Variants in BCR observed in about 807,000 individuals in gnomAD.
BCR encodes the protein BCR activator of RhoGEF and GTPase.
Under a neutral mutation model 138.6 loss-of-function variants are expected in BCR, and 58 were observed. The ratio of observed to expected loss-of-function variants is 0.42; its 90% confidence interval spans 0.34 to 0.52. The LOEUF is 0.52. BCR is among the 20% of genes least tolerant of loss of function. The pLI is 0.06. For synonymous variants in BCR, 786 were observed against 730.1 expected (o/e 1.08, Z -1.23); for missense variants, 1,599 against 1,727.2 (o/e 0.93, Z 1.32).
At chr22:23,236,642 G>A (rs1023983255) in intron 1 of BCR, among the ~76,000 whole-genome samples, 3 of 152,250 alleles carry the variant, frequency 2.0e-5, no homozygotes, top group Non-Finnish European at 2.9e-5. Flanking sequence ...CATGAGGACC[G>A]AGAGGGGACC....
At position 23,309,517 on chromosome 22, in the gene BCR, T is replaced by A. The variant is rs374263758; in HGVS notation, c.3072+34T>A. Reference sequence around the variant, plus strand: ...CCGTGGGACTCTCCTGGTGCCCACTTCCCCCAGAAGGATAGGGTGGCCTCT... The same window carrying A: ...CCGTGGGACTCTCCTGGTGCCCACTACCCCCAGAAGGATAGGGTGGCCTCT... On this transcript the variant is annotated intron_variant, in intron 17 of 22. Coordinates refer to ENST00000305877, the MANE Select transcript of BCR (RefSeq NM_004327.4). 7 of 1,561,526 alleles carry A rather than the reference T, an allele frequency of 4.5e-6. No homozygotes were observed. The African/African-American group carries it at 9.5e-5, about 21-fold the overall frequency.
chr22:23,301,477 C>T (rs1327443364), intron 16 of BCR, among the ~76,000 whole-genome samples: 1 of 152,212 alleles, frequency 6.6e-6, no homozygotes, highest in African/African-American at 2.4e-5. Context: ...CAGACTAGCC[C>T]TCCAGCAATG....
At position 23,262,682 on chromosome 22, in the gene BCR, C is replaced by T. The variant is rs1008950926; in HGVS notation, c.1752+1142C>T. 544 of 679,288 alleles carry T rather than the reference C, an allele frequency of 8.0e-4. 1 individual carries two copies. Among genetic ancestry groups the T allele is most frequent in the Non-Finnish European group, 9.3e-4 (512 of 550,466 alleles). The allele number at this position is 679,288 out of a possible 1,614,324, so 42.1% of individuals were successfully genotyped here. A position where few individuals can be genotyped will look rare whatever the true frequency, so the allele number is the denominator to read the frequency against. On this transcript the variant is annotated intron_variant, in intron 4 of 22. Coordinates refer to ENST00000305877, the MANE Select transcript of BCR (RefSeq NM_004327.4). ...CAGCCAGGGCCGCTGGGTGTGGGGCCGCCGGGAATGGCGGGCCCGGGTGAG... is the reference window on the plus strand; with the variant it reads ...CAGCCAGGGCCGCTGGGTGTGGGGCTGCCGGGAATGGCGGGCCCGGGTGAG...
rs1448532414 is a variant in BCR, at chr22:23,181,384, C to G, written c.424C>G (p.Arg142Gly). The G allele has an allele frequency of 6.5e-7, 1 of 1,539,096 alleles. No individual in the cohort carries two copies. The highest frequency in any genetic ancestry group is 2.0e-5 in the Admixed American group (1 of 50,686). Residue 142 changes from arginine (R) to glycine (G), a missense_variant, in exon 1 of 23, where the codon CGG becomes GGG. Coordinates refer to ENST00000305877, the MANE Select transcript of BCR (RefSeq NM_004327.4). ...RRPGAAASGE[R>G]DDRGPPASVA... ...GCCCGGGGCAGCCGCGTCGGGGGAA[C>G]GGGACGACCGGGGACCCCCCGCCAG...
At chr22:23,228,369 A>G (rs992802470) in intron 1 of BCR, among the ~76,000 whole-genome samples, 1 of 152,200 alleles carries the variant, frequency 6.6e-6, no homozygotes, top group East Asian at 1.9e-4. Flanking sequence ...AGTGTTTAAT[A>G]GTAATGTTTC....
At chr22:23,280,469 T>G (rs1399086929) in intron 8 of BCR, among the ~76,000 whole-genome samples, 3 of 152,256 alleles carry the variant, frequency 2.0e-5, no homozygotes, top group Non-Finnish European at 4.4e-5. Flanking sequence ...CATGGGAAGC[T>G]GTGACTGTCA....
chr22:23,200,108 C>A (rs1602006858), intron 1 of BCR, among the ~76,000 whole-genome samples: 1 of 150,782 alleles, frequency 6.6e-6, no homozygotes, highest in African/African-American at 2.5e-5. Flanking sequence ...AAAAGCAAGA[C>A]AAGGCATATG....
At chr22:23,284,370 C>T (rs1433465702) in intron 9 of BCR, among the ~76,000 whole-genome samples, 1 of 152,002 alleles carries the variant, frequency 6.6e-6, no homozygotes, top group Non-Finnish European at 1.5e-5. Context: ...AGGACCCATC[C>T]GGGAAGCGTG....
intron 10 of BCR, among the ~76,000 whole-genome samples, chr22:23,286,167 C>G (rs140505): frequency 1 from 152,379 of 152,380 alleles, 76,189 homozygotes; most frequent in Non-Finnish European, 1. Context: ...CCTGATGGGG[C>G]CCAGGCCCAG....
rs190200718 is a variant in BCR at position 23,313,560 on chromosome 22, G to A, written c.3458-408G>A. Among the ~76,000 whole-genome samples the A allele has an allele frequency of 7.1e-4, 108 of 152,322 alleles. 1 individual carries two copies. The East Asian group carries it at 0.02, about 28-fold the overall frequency. ...TCCAGGACGACGAGGGGGTCTCTGC[G>A]TACTTGGTGGGGCTGGGACCCTCCC... On this transcript the variant is annotated intron_variant, in intron 20 of 22. Transcript: ENST00000305877.
At chr22:23,271,274 C>T (rs1012853578) in intron 5 of BCR, among the ~76,000 whole-genome samples, 13 of 152,236 alleles carry the variant, frequency 8.5e-5, no homozygotes, top group African/African-American at 3.1e-4. Context: ...GACAGCTGCT[C>T]AGAGAATCTG....
At chr22:23,244,344 C>T (rs577299688) in intron 1 of BCR, among the ~76,000 whole-genome samples, 2 of 152,300 alleles carry the variant, frequency 1.3e-5, no homozygotes, top group South Asian at 4.1e-4. Flanking sequence ...GTCGCATTCG[C>T]AGATTCTAGG....
intron 16 of BCR, among the ~76,000 whole-genome samples, chr22:23,308,590 C>A (rs1279317963): frequency 3.4e-4 from 52 of 152,242 alleles, no homozygotes; most frequent in Admixed American, 3.4e-3. Flanking sequence ...CAGGCGTGAG[C>A]CACCGCACCT....
At chr22:23,279,368 C>T (rs1356548435) in intron 8 of BCR, among the ~76,000 whole-genome samples, 27 of 152,230 alleles carry the variant, frequency 1.8e-4, no homozygotes, top group Non-Finnish European at 1.6e-4. Flanking sequence ...CCCTTGACCT[C>T]ATTCTCGGCT....
chr22:23,182,186 A>G lies in BCR; in HGVS notation c.1226A>G (p.Lys409Arg), dbSNP rs765163453. The change falls in exon 1 of 23, where the codon AAG becomes AGG. Residue 409 changes from lysine (K) to arginine (R), a missense_variant. Physicochemically the swap from Lys to Arg is conservative, Grantham distance 26. Around this residue, in one of 4 missense-constraint regions of BCR, gnomAD observed 806 missense variants for 635.0 expected, o/e 1.27. Transcript: ENST00000305877. ...GAGGCCACCATCGTGGGCGTCCGCA[A>G]GACCGGGCAGATCTGGCCCAACGAT... is the stretch of plus-strand genomic sequence containing the variant. ...VSEATIVGVRKTGQIWPNDGE... is the reference protein window; with the variant it reads ...VSEATIVGVRRTGQIWPNDGE... 1 of 1,600,422 alleles carries G rather than the reference A, an allele frequency of 6.2e-7. No homozygotes were observed. The highest frequency in any genetic ancestry group is 8.5e-7 in the Non-Finnish European group (1 of 1,178,000).
chr22:23,300,162 A>G (rs1296347506), intron 16 of BCR, among the ~76,000 whole-genome samples: 1 of 152,152 alleles, frequency 6.6e-6, no homozygotes, highest in African/African-American at 2.4e-5. Context: ...CTCTACACCC[A>G]TTAAACAATA....
intron 1 of BCR, among the ~76,000 whole-genome samples, chr22:23,226,010 C>T (rs1242071523): frequency 6.6e-6 from 1 of 152,266 alleles, no homozygotes; most frequent in Non-Finnish European, 1.5e-5. Flanking sequence ...TTGGCACCCT[C>T]CTGTGCCCAC....
chr22:23,195,781 G>A (rs895870866), intron 1 of BCR, among the ~76,000 whole-genome samples: 6 of 151,972 alleles, frequency 3.9e-5, no homozygotes, highest in East Asian at 1.9e-4. Context: ...CCAGCTACTC[G>A]GGAGGCTGAG....
At position 23,190,375 on chromosome 22, in the gene BCR, C is replaced by G. The variant is rs1351749980; in HGVS notation, c.1279+8136C>G. Among the ~76,000 whole-genome samples the G allele has an allele frequency of 2.0e-5, 3 of 152,212 alleles. No homozygotes were observed. The South Asian group carries it at 6.2e-4, about 32-fold the overall frequency. ...TAGAGACGGGGTTTCACCATGTTAGCCAGCCTGGTCTCGAACTTCTGACCT... is the reference window on the plus strand; with the variant it reads ...TAGAGACGGGGTTTCACCATGTTAGGCAGCCTGGTCTCGAACTTCTGACCT... On this transcript the variant is annotated intron_variant, in intron 1 of 22. Coordinates refer to ENST00000305877, the MANE Select transcript of BCR (RefSeq NM_004327.4).
Sources: allele counts gnomAD v4.1 joint callset (sites outside exome capture counted in the v4.1 genomes callset), GRCh38; gene constraint gnomAD v4.1.1; regional missense constraint gnomAD v4.1.1; transcripts MANE v1.5; gene names NCBI Gene and HGNC (gene_info 2026-07-23, HGNC 2026-07-21).